KCTD8: variants seen among roughly 807,000 people sequenced by gnomAD.
KCTD8 encodes the protein potassium channel tetramerization domain containing 8, also known as BTB/POZ domain-containing protein KCTD8.
Under a neutral mutation model 31.5 loss-of-function variants are expected in KCTD8, and 27 were observed. That is an observed-to-expected ratio of 0.86 (90% confidence interval 0.63 to 1.18). KCTD8 has a LOEUF of 1.18. Among genes scored for constraint, KCTD8 ranks in the 50% most tolerant of loss-of-function variants. The pLI, the probability that KCTD8 is intolerant of heterozygous loss-of-function variation, is 0.00. For missense variants in KCTD8, 658 were observed against 647.7 expected (o/e 1.02, Z -0.17); for synonymous variants, 290 against 280.0 (o/e 1.04, Z -0.36).
In KCTD8 at chr4:44,300,117, T is replaced by G. The variant is rs1179638875; in HGVS notation, c.962-124867A>C. 2.0e-5 allele frequency among the ~76,000 whole-genome samples: 3 copies of G among 152,158 alleles called. 1 individual carries two copies. Among genetic ancestry groups the G allele is most frequent in the Admixed American group, 2.0e-4 (3 of 15,272 alleles). On this transcript the variant is annotated intron_variant, in intron 1 of 1. Transcript: ENST00000360029. ...TTCAAATGTAATGGAAATTCAGAGT[T>G]GTCCAAAATAACCTACAGAGGTGTA...
At chr4:44,355,041 T>C (rs1719306513) in intron 1 of KCTD8, among the ~76,000 whole-genome samples, 1 of 152,184 alleles carries the variant, frequency 6.6e-6, no homozygotes, top group East Asian at 1.9e-4. Flanking sequence ...TTGTCTTATA[T>C]AATTGTTGTA....
chr4:44,362,838 C>T (rs566723353), intron 1 of KCTD8, among the ~76,000 whole-genome samples: 167 of 150,578 alleles, frequency 1.1e-3, no homozygotes, highest in African/African-American at 3.8e-3. Context: ...AATTTAATAG[C>T]AGATACTTAA....
chr4:44,265,330 G>C (rs143749803), intron 1 of KCTD8, among the ~76,000 whole-genome samples: 1 of 152,166 alleles, frequency 6.6e-6, no homozygotes, highest in African/African-American at 2.4e-5. Context: ...GCAGCTGAGG[G>C]TACTGTATGT....
intron 1 of KCTD8, among the ~76,000 whole-genome samples, chr4:44,428,841 G>A (rs1484912806): frequency 6.6e-6 from 1 of 151,872 alleles, no homozygotes; most frequent in Middle Eastern, 3.4e-3. Flanking sequence ...GAAGGAGGGA[G>A]ATTAAAAATT....
At chr4:44,244,852 G>C (rs68092707) in intron 1 of KCTD8, among the ~76,000 whole-genome samples, 2 of 149,242 alleles carry the variant, frequency 1.3e-5, no homozygotes, top group Admixed American at 6.7e-5. Flanking sequence ...AGTTGTGGGG[G>C]GGGGGGGGTC....
At position 44,329,359 on chromosome 4, in the gene KCTD8, T is replaced by C. The variant is rs187482718; in HGVS notation, c.961+118204A>G. 5.4e-3 allele frequency among the ~76,000 whole-genome samples: 818 copies of C among 150,664 alleles called. 17 individuals are homozygous for C. The highest frequency in any genetic ancestry group is 0.019 in the African/African-American group (762 of 40,250). On this transcript the variant is annotated intron_variant, in intron 1 of 1. Transcript: ENST00000360029. ...TTTTTCTTTATCTTGAAGAAAAATA[T>C]GAGAAAACTATTGAGTGAATTTTTG...
chr4:44,265,671 G>C (rs1012228264), intron 1 of KCTD8, among the ~76,000 whole-genome samples: 2 of 152,128 alleles, frequency 1.3e-5, no homozygotes, highest in African/African-American at 4.8e-5. Context: ...TGTATAACTA[G>C]AATAACCAAT....
chr4:44,314,732 T>C (rs941497435), intron 1 of KCTD8, among the ~76,000 whole-genome samples: 1 of 152,064 alleles, frequency 6.6e-6, no homozygotes. Flanking sequence ...ATTTAAAAGA[T>C]TGTGGATATA....
intron 1 of KCTD8, among the ~76,000 whole-genome samples, chr4:44,221,405 G>C (rs1335382660): frequency 1.3e-5 from 2 of 151,818 alleles, no homozygotes; most frequent in Non-Finnish European, 2.9e-5. Context: ...AGTTGTATTA[G>C]TCAGGGTTCT....
intron 1 of KCTD8, among the ~76,000 whole-genome samples, chr4:44,429,379 T>A (rs75410489): frequency 6.6e-6 from 1 of 151,718 alleles, no homozygotes; most frequent in Non-Finnish European, 1.5e-5. Flanking sequence ...ACAGTAGTCA[T>A]CAGTGTCAAA....
At chr4:44,226,929 C>T (rs949695468) in intron 1 of KCTD8, among the ~76,000 whole-genome samples, 4 of 148,328 alleles carry the variant, frequency 2.7e-5, no homozygotes, top group Middle Eastern at 6.8e-3. Flanking sequence ...CTTGTAGATT[C>T]TGGATATTAC....
chr4:44,184,005 A>G (rs1238427728), intron 1 of KCTD8, among the ~76,000 whole-genome samples: 1 of 152,222 alleles, frequency 6.6e-6, no homozygotes, highest in Admixed American at 6.5e-5. Flanking sequence ...TTGATTTCAC[A>G]AACATTTACT....
intron 1 of KCTD8, among the ~76,000 whole-genome samples, chr4:44,262,320 A>T (rs1716204041): frequency 6.6e-6 from 1 of 151,858 alleles, no homozygotes; most frequent in Non-Finnish European, 1.5e-5. Flanking sequence ...AAACAAATGG[A>T]CCCATTGTGA....
At chr4:44,232,077 C>A (rs984049100) in intron 1 of KCTD8, among the ~76,000 whole-genome samples, 1 of 152,098 alleles carries the variant, frequency 6.6e-6, no homozygotes, top group African/African-American at 2.4e-5. Context: ...ATGCAAATTT[C>A]TCGGTCTTCA....
chr4:44,286,623 T>A (rs1443881636), intron 1 of KCTD8, among the ~76,000 whole-genome samples: 1 of 152,130 alleles, frequency 6.6e-6, no homozygotes, highest in Non-Finnish European at 1.5e-5. Flanking sequence ...AAAGGGCCAA[T>A]AACAGATACG....
intron 1 of KCTD8, among the ~76,000 whole-genome samples, chr4:44,219,018 C>T (rs1245679708): frequency 6.6e-6 from 1 of 152,182 alleles, no homozygotes; most frequent in Non-Finnish European, 1.5e-5. Context: ...GACTTATCCT[C>T]CACCACCTCT....
At chr4:44,446,023 T>C (rs558254511) in intron 1 of KCTD8, among the ~76,000 whole-genome samples, 1 of 152,308 alleles carries the variant, frequency 6.6e-6, no homozygotes, top group South Asian at 2.1e-4. Flanking sequence ...ATTAAGACAG[T>C]TTTTTAGCTT....
intron 1 of KCTD8, among the ~76,000 whole-genome samples, chr4:44,236,181 G>A (rs1376095670): frequency 6.6e-6 from 1 of 152,170 alleles, no homozygotes; most frequent in Non-Finnish European, 1.5e-5. Context: ...AGCCAGGGAA[G>A]AAATACCCTC....
chr4:44,175,937 C>A (rs1713200585), intron 1 of KCTD8, among the ~76,000 whole-genome samples: 1 of 152,122 alleles, frequency 6.6e-6, no homozygotes, highest in Non-Finnish European at 1.5e-5. Context: ...TAAGGCCTAC[C>A]ATTTGAGGTA....
Sources: allele counts gnomAD v4.1 joint callset (sites outside exome capture counted in the v4.1 genomes callset), GRCh38; gene constraint gnomAD v4.1.1; transcripts MANE v1.5; gene names NCBI Gene and HGNC (gene_info 2026-07-23, HGNC 2026-07-21).